The following ATXN1 variants were observed in gnomAD, a reference collection of about 807,000 sequenced individuals.
ATXN1 encodes ataxin 1.
In ATXN1, 8 loss-of-function variants were observed where a neutral mutation model predicts 56.4. The observed-to-expected ratio is 0.14, with a 90% CI of 0.08 to 0.26. ATXN1 has a LOEUF of 0.26. ATXN1 is among the 10% of genes least tolerant of loss of function. The pLI is 1.00. For missense variants in ATXN1, 987 were observed against 1,106.5 expected (o/e 0.89, Z 1.53); for synonymous variants, 514 against 494.6 (o/e 1.04, Z -0.52).
chr6:16,507,970 T>G (rs1305780651), intron 5 of ATXN1, among the ~76,000 whole-genome samples: 1 of 152,198 alleles, frequency 6.6e-6, no homozygotes, highest in Non-Finnish European at 1.5e-5. Flanking sequence ...GAAAAACATC[T>G]CTTAATAATA....
chr6:16,758,465 C>T, intron 1 of ATXN1, among the ~76,000 whole-genome samples: 1 of 152,176 alleles, frequency 6.6e-6, no homozygotes, highest in Admixed American at 6.5e-5. Context: ...CATACTGCAC[C>T]TAGGAAGAAC....
chr6:16,494,757 T>C (rs1760739061), intron 5 of ATXN1, among the ~76,000 whole-genome samples: 1 of 152,238 alleles, frequency 6.6e-6, no homozygotes, highest in African/African-American at 2.4e-5. Context: ...TGAGCAGCTG[T>C]AGAACGACGT....
chr6:16,554,673 C>T (rs113639243), intron 4 of ATXN1, among the ~76,000 whole-genome samples: 12,226 of 152,148 alleles, frequency 0.08, 518 homozygotes, highest in African/African-American at 0.092. Context: ...AGGCTAGTCT[C>T]GAACTCCTGA....
intron 4 of ATXN1, among the ~76,000 whole-genome samples, chr6:16,571,836 T>A (rs1179944201): frequency 2.0e-5 from 3 of 151,908 alleles, no homozygotes; most frequent in African/African-American, 4.8e-5. Flanking sequence ...AAGTTTTAAA[T>A]TTTTTTTGTA....
intron 6 of ATXN1, among the ~76,000 whole-genome samples, chr6:16,340,016 C>A (rs1053156812): frequency 6.6e-6 from 1 of 152,162 alleles, no homozygotes; most frequent in East Asian, 1.9e-4. Flanking sequence ...CTCTTGACTT[C>A]GCGGTCTGCC....
chr6:16,380,635 A>T (rs767121101), intron 6 of ATXN1, among the ~76,000 whole-genome samples: 2 of 152,158 alleles, frequency 1.3e-5, no homozygotes, highest in Non-Finnish European at 2.9e-5. Flanking sequence ...GCACACGCGC[A>T]TTCAAATGTG....
chr6:16,349,197 A>G (rs904928954), intron 6 of ATXN1, among the ~76,000 whole-genome samples: 1 of 152,164 alleles, frequency 6.6e-6, no homozygotes, highest in African/African-American at 2.4e-5. Flanking sequence ...TCCTATTTTC[A>G]TCTGCATAAA....
At chr6:16,567,646 CAAT>C (rs985362491) in intron 4 of ATXN1, among the ~76,000 whole-genome samples, 1 of 152,206 alleles carries the variant, frequency 6.6e-6, no homozygotes, top group African/African-American at 2.4e-5. Context: ...GCTCTGCTAA[CAAT>C]GAGAAATTTT....
At chr6:16,397,476 C>T (rs905070199) in intron 6 of ATXN1, among the ~76,000 whole-genome samples, 1 of 152,132 alleles carries the variant, frequency 6.6e-6, no homozygotes, top group Admixed American at 6.6e-5. Context: ...GTTGGCCAGG[C>T]TGGTCTCAAA....
intron 5 of ATXN1, among the ~76,000 whole-genome samples, chr6:16,488,643 A>T (rs1186358003): frequency 6.6e-6 from 1 of 152,196 alleles, no homozygotes; most frequent in Non-Finnish European, 1.5e-5. Flanking sequence ...TCATCCTACA[A>T]CATTAAAGCA....
chr6:16,668,563 T>C (rs951423398), intron 2 of ATXN1, among the ~76,000 whole-genome samples: 5 of 152,106 alleles, frequency 3.3e-5, no homozygotes, highest in African/African-American at 1.2e-4. Flanking sequence ...AGAAGCTCCA[T>C]GCTAGTTTAT....
chr6:16,522,034 T>A (rs991845088), intron 5 of ATXN1, among the ~76,000 whole-genome samples: 2 of 152,152 alleles, frequency 1.3e-5, no homozygotes, highest in African/African-American at 4.8e-5. Flanking sequence ...TCAAAAAGAA[T>A]CTGCAGATTC....
At chr6:16,469,519 T>C (rs147420876) in intron 6 of ATXN1, among the ~76,000 whole-genome samples, 1 of 152,304 alleles carries the variant, frequency 6.6e-6, no homozygotes, top group Non-Finnish European at 1.5e-5. Flanking sequence ...ATTAGTAGCA[T>C]TTCAGGCCTC....
At chr6:16,614,279 T>C (rs1763165357) in intron 3 of ATXN1, among the ~76,000 whole-genome samples, 1 of 151,334 alleles carries the variant, frequency 6.6e-6, no homozygotes, top group Admixed American at 6.6e-5. Flanking sequence ...AATCCCCGCT[T>C]GATGGTACAT....
chr6:16,331,069 C>T (rs1760979152), intron 6 of ATXN1, among the ~76,000 whole-genome samples: 1 of 152,060 alleles, frequency 6.6e-6, no homozygotes. Context: ...GTGCCAATCT[C>T]GGCTCACTGC....
chr6:16,581,195 C>G (rs1203235654), intron 4 of ATXN1, among the ~76,000 whole-genome samples: 1 of 140,160 alleles, frequency 7.1e-6, no homozygotes. Flanking sequence ...CGAGAATGCA[C>G]TGTGTGTGTG....
chr6:16,372,360 A>T (rs1331137271), intron 6 of ATXN1, among the ~76,000 whole-genome samples: 1 of 152,180 alleles, frequency 6.6e-6, no homozygotes, highest in Non-Finnish European at 1.5e-5. Flanking sequence ...AGAAGTTGAG[A>T]GGGAACAGAA....
intron 2 of ATXN1, among the ~76,000 whole-genome samples, chr6:16,695,947 G>A (rs1387506633): frequency 1.3e-5 from 2 of 152,058 alleles, no homozygotes; most frequent in African/African-American, 4.8e-5. Flanking sequence ...CTGGGCAACA[G>A]AGTGAGACTC....
intron 4 of ATXN1, among the ~76,000 whole-genome samples, chr6:16,569,244 G>C (rs2113748203): frequency 6.6e-6 from 1 of 152,212 alleles, no homozygotes; most frequent in Non-Finnish European, 1.5e-5. Context: ...GGCCTGGCGT[G>C]GTGGTGGCTC....
Sources: allele counts gnomAD v4.1 joint callset (sites outside exome capture counted in the v4.1 genomes callset), GRCh38; gene constraint gnomAD v4.1.1; transcripts MANE v1.5; gene names NCBI Gene and HGNC (gene_info 2026-07-23, HGNC 2026-07-21).